POTEI: variants seen among roughly 807,000 people sequenced by gnomAD.
POTEI encodes POTE ankyrin domain family member I, also known as POTE ankyrin domain family, member I.
A neutral mutation model predicts 43.4 loss-of-function variants in POTEI; 14 were observed. The ratio of observed to expected loss-of-function variants is 0.32; its 90% CI spans 0.21 to 0.50. POTEI has a LOEUF of 0.50. Ranked by LOEUF, POTEI falls within the 20% of genes least tolerant of loss-of-function variation. The probability of loss-of-function intolerance (pLI) is 0.98; values close to 1 mark genes in which losing one functional copy is unlikely to be tolerated. For synonymous variants in POTEI, 95 were observed against 297.9 expected (o/e 0.32, Z 7.01); for missense variants, 235 against 795.4 (o/e 0.30, Z 8.47).
chr2:130,467,721 A>T (rs1272142150), intron 13 of POTEI, among the ~76,000 whole-genome samples: 1 of 152,232 alleles, frequency 6.6e-6, no homozygotes, highest in East Asian at 1.9e-4. Context: ...ACGCTAACAA[A>T]CGACTAATAT....
chr2:130,485,122 T>C (rs1389199694), intron 9 of POTEI, among the ~76,000 whole-genome samples: 1 of 151,762 alleles, frequency 6.6e-6, no homozygotes, highest in Admixed American at 6.6e-5. Flanking sequence ...AGACGTCAAG[T>C]AGGCAGGCTG....
chr2:130,479,450 TC>T (rs1683322308), intron 10 of POTEI, among the ~76,000 whole-genome samples: 1 of 71,774 alleles, frequency 1.4e-5, no homozygotes, highest in Admixed American at 1.6e-4. Context: ...TGCAAAAGCT[TC>T]CTTTGTCTCC....
rs568701807 is a variant in POTEI at position 130,461,479 on chromosome 2, C to G, written c.*1337G>C. On this transcript the variant is annotated 3_prime_UTR_variant, in exon 15 of 15. Coordinates refer to ENST00000451531, the MANE Select transcript of POTEI (RefSeq NM_001277406.2). Reference sequence around the variant, plus strand: ...CAAGAGTCTGGCCACGTTTTGGTAGCGTGGCTGTGCTGTGCTGAGGTACCT... The same window carrying G: ...CAAGAGTCTGGCCACGTTTTGGTAGGGTGGCTGTGCTGTGCTGAGGTACCT... 1 of 152,252 alleles carries G rather than the reference C, an allele frequency of 6.6e-6. No individual in the cohort carries two copies. 9.4% of individuals were successfully genotyped at this position (152,252 alleles called of 1,614,324 possible). A position where few individuals can be genotyped will look rare whatever the true frequency, so the allele number is the denominator to read the frequency against.
At chr2:130,478,681 T>G (rs1167901052) in intron 10 of POTEI, among the ~76,000 whole-genome samples, 2 of 119,162 alleles carry the variant, frequency 1.7e-5, no homozygotes, top group Non-Finnish European at 3.3e-5. Context: ...CTCTTTCTTT[T>G]CTGGCAGCTG....
chr2:130,483,666 C>G (rs1414822497), intron 9 of POTEI, among the ~76,000 whole-genome samples: 1 of 138,210 alleles, frequency 7.2e-6, no homozygotes, highest in African/African-American at 2.8e-5. Flanking sequence ...ACGATCTCGG[C>G]TCACTGCAAG....
chr2:130,468,838 G>A (rs1369123096), intron 13 of POTEI, among the ~76,000 whole-genome samples: 1 of 151,968 alleles, frequency 6.6e-6, no homozygotes, highest in Non-Finnish European at 1.5e-5. Flanking sequence ...AACCTATTCA[G>A]TCAAAATATA....
rs1682583745 is a variant in POTEI, at chr2:130,460,333, AACG to A, written c.*2480_*2482del. On this transcript the variant is annotated 3_prime_UTR_variant, in exon 15 of 15. Coordinates refer to ENST00000451531, the MANE Select transcript of POTEI (RefSeq NM_001277406.2). Reference sequence around the variant, plus strand: ...CAGCACAGCACAGCCGCTCTACACAAACGTGGCTAGACTTCTTTTATTAAGCAA... The same window carrying A: ...CAGCACAGCACAGCCGCTCTACACAATGGCTAGACTTCTTTTATTAAGCAA... The A allele has an allele frequency of 6.6e-6, 1 of 152,024 alleles. No homozygotes were observed. The highest frequency in any genetic ancestry group is 2.4e-5 in the African/African-American group (1 of 41,322). The allele number at this position is 152,024 out of a possible 1,614,324, so 9.4% of individuals were successfully genotyped here. A position where few individuals can be genotyped will look rare whatever the true frequency, so the allele number is the denominator to read the frequency against.
At chr2:130,475,541 G>A (rs1242609470) in intron 11 of POTEI, among the ~76,000 whole-genome samples, 1 of 61,782 alleles carries the variant, frequency 1.6e-5, no homozygotes, top group Non-Finnish European at 3.8e-5. Context: ...CAGATTATCT[G>A]CGTAAGTCCA....
At chr2:130,468,902 A>G (rs1318113130) in intron 13 of POTEI, among the ~76,000 whole-genome samples, 2 of 152,198 alleles carry the variant, frequency 1.3e-5, no homozygotes, top group African/African-American at 4.8e-5. Context: ...ATGAGATAAA[A>G]ATGTATAACA....
At chr2:130,479,256 A>C (rs1275712465) in intron 10 of POTEI, among the ~76,000 whole-genome samples, 1 of 150,896 alleles carries the variant, frequency 6.6e-6, no homozygotes, top group Non-Finnish European at 1.5e-5. Context: ...CCAACTATTA[A>C]TGTTATTTCT....
Position 130,509,145 on chromosome 2 carries a change from A to T in POTEI, c.91T>A (p.Cys31Ser). 6.6e-7 allele frequency: 1 copy of T among 1,506,654 alleles called. No individual in the cohort carries two copies. The highest frequency in any genetic ancestry group is 8.8e-7 in the Non-Finnish European group (1 of 1,135,616). The allele number at this position is 1,506,654 out of a possible 1,614,324, so 93.3% of individuals were successfully genotyped here. A position where few individuals can be genotyped will look rare whatever the true frequency, so the allele number is the denominator to read the frequency against. ...RSKMGKWCRHCFPCCRGSGKS... is the reference protein window; with the variant it reads ...RSKMGKWCRHSFPCCRGSGKS... The stretch of plus-strand genomic sequence containing the variant: ...CCGCTCCCCCTGCAGCAGGGGAAGC[A>T]GTGGCGGCACCACTTGCCCATCTTG... Residue 31 changes from cysteine (C) to serine (S), a missense_variant, in exon 1 of 15, where the codon TGC becomes AGC. Transcript: ENST00000451531.
At chr2:130,492,393 A>G (rs1683773733) in intron 6 of POTEI, among the ~76,000 whole-genome samples, 1 of 151,066 alleles carries the variant, frequency 6.6e-6, no homozygotes, top group Non-Finnish European at 1.5e-5. Flanking sequence ...GAGTGAAAAT[A>G]TTTGCCTACA....
At position 130,508,737 on chromosome 2, in the gene POTEI, T is replaced by C; in HGVS notation, c.499A>G (p.Asn167Asp). ...TACCTCTTTTGCTTGTCCTGCTTGT[T>C]CACGTCAGTGTCCCTGAGCATGACG... ...LIVMLRDTDV[N>D]KQDKQKRTAL... Residue 167 changes from asparagine (N) to aspartate (D), a missense_variant, in exon 1 of 15, where the codon AAC (asparagine) becomes GAC (aspartate). By Grantham distance (23) the Asn-to-Asp change is conservative (BLOSUM62 1). Transcript: ENST00000451531. 1 of 1,259,454 alleles carries C rather than the reference T, an allele frequency of 7.9e-7. No individual in the cohort carries two copies. Among genetic ancestry groups the C allele is most frequent in the Non-Finnish European group, 1.1e-6 (1 of 937,226 alleles). The allele number at this position is 1,259,454 out of a possible 1,614,324, so 78.0% of individuals were successfully genotyped here. A position where few individuals can be genotyped will look rare whatever the true frequency, so the allele number is the denominator to read the frequency against.
Position 130,463,638 on chromosome 2 carries a change from G to C in POTEI, c.2406C>G (p.Pro802=). The C allele has an allele frequency of 1.9e-6, 3 of 1,607,470 alleles. No homozygotes were observed. Among genetic ancestry groups the C allele is most frequent in the Non-Finnish European group, 2.5e-6 (3 of 1,179,474 alleles). The change falls in exon 15 of 15, where the codon CCC becomes CCG. Residue 802 remains proline (P), a synonymous_variant. Transcript: ENST00000451531. ...NELRVAPEEH[P]ILLTEAPLNP... ...TCAGGGGGGCCTCGGTCAGCAGGAT[G>C]GGGTGCTCCTCAGGGGCCACACGCA...
At chr2:130,505,119 T>C (rs1684122440) in intron 1 of POTEI, among the ~76,000 whole-genome samples, 1 of 150,084 alleles carries the variant, frequency 6.7e-6, no homozygotes, top group African/African-American at 2.5e-5. Context: ...TCTAGGTATC[T>C]GTGTGTTCTC....
intron 13 of POTEI, among the ~76,000 whole-genome samples, chr2:130,468,655 AAT>A (rs1216408170): frequency 2.0e-5 from 3 of 151,172 alleles, no homozygotes; most frequent in African/African-American, 7.3e-5. Flanking sequence ...AACACCTGGT[AAT>A]TACAATTTGA....
In POTEI at chr2:130,464,518, A is replaced by C. The variant is rs1370154061; in HGVS notation, c.1900-374T>G. ...AAAATATAAGATTAACAATTTGACT[A>C]CATTTTTAAGATTAGGTTTACACTC... On this transcript the variant is annotated intron_variant, in intron 14 of 14. Coordinates refer to ENST00000451531, the MANE Select transcript of POTEI (RefSeq NM_001277406.2). Among the ~76,000 whole-genome samples, 3 of 144,282 alleles carry C rather than the reference A, an allele frequency of 2.1e-5. 1 individual carries two copies. Among genetic ancestry groups the C allele is most frequent in the African/African-American group, 7.7e-5 (3 of 38,788 alleles). The allele number at this position is 144,282 out of a possible 152,430, so 94.7% of individuals were successfully genotyped here. A position where few individuals can be genotyped will look rare whatever the true frequency, so the allele number is the denominator to read the frequency against.
intron 10 of POTEI, among the ~76,000 whole-genome samples, chr2:130,480,592 CT>C (rs1683378420): frequency 7.6e-6 from 1 of 131,296 alleles, no homozygotes; most frequent in African/African-American, 2.8e-5. Flanking sequence ...ACTCTGCATG[CT>C]TACATTAAAT....
rs1428857170 is a variant in POTEI at position 130,509,015 on chromosome 2, C to T, written c.221G>A (p.Gly74Glu). The T allele has an allele frequency of 3.9e-6, 6 of 1,520,416 alleles. No homozygotes were observed. Among genetic ancestry groups the T allele is most frequent in the Non-Finnish European group, 5.4e-6 (6 of 1,108,932 alleles). 94.2% of individuals were successfully genotyped at this position (1,520,416 alleles called of 1,614,324 possible). A position where few individuals can be genotyped will look rare whatever the true frequency, so the allele number is the denominator to read the frequency against. Residue 74 changes from glycine to glutamate, a missense_variant, in exon 1 of 15, where the codon GGG becomes GAG. Gly to Glu is a moderately conservative substitution (Grantham distance 98). Transcript: ENST00000451531. ...AGTGCCCACGTTGCTCTTGCCACTC[C>T]CCCTGCAGCAGGGGAAGCAGTGGCA... ...WCCHCFPCCR[G>E]SGKSNVGTSG...
Sources: allele counts gnomAD v4.1 joint callset (sites outside exome capture counted in the v4.1 genomes callset), GRCh38; gene constraint gnomAD v4.1.1; transcripts MANE v1.5; gene names NCBI Gene and HGNC (gene_info 2026-07-23, HGNC 2026-07-21).